Variants in ZNF215 observed in about 807,000 individuals in gnomAD.
ZNF215 encodes zinc finger protein 215.
A neutral mutation model predicts 27.2 loss-of-function variants in ZNF215; 24 were observed. The ratio of observed to expected loss-of-function variants is 0.88; its 90% CI spans 0.64 to 1.24. ZNF215 has a LOEUF of 1.24. Among genes scored for constraint, ZNF215 ranks in the 50% most tolerant of loss-of-function variants. ZNF215 has a pLI of 0.00. For missense variants in ZNF215, 675 were observed against 605.7 expected (o/e 1.11, Z -1.20); for synonymous variants, 210 against 204.0 (o/e 1.03, Z -0.25).
At chr11:6,951,991 A>T (rs2133272857) in intron 6 of ZNF215, among the ~76,000 whole-genome samples, 1 of 152,266 alleles carries the variant, frequency 6.6e-6, no homozygotes, top group South Asian at 2.1e-4. Context: ...TTCGTTATGC[A>T]CCCAGTAGTC....
chr11:6,988,133 T>A, downstream of ZNF215: 2 of 954,568 alleles, frequency 2.1e-6, no homozygotes, highest in Non-Finnish European at 2.5e-6. Context: ...CAGCAATTCA[T>A]AATCATAACC....
chr11:6,987,952 A>T (rs1443543120), downstream of ZNF215, among the ~76,000 whole-genome samples: 2 of 152,238 alleles, frequency 1.3e-5, no homozygotes, highest in African/African-American at 4.8e-5. Flanking sequence ...AAAAGTAATT[A>T]TAATCAGAGC....
Position 6,955,961 on chromosome 11 carries a change from A to G in ZNF215, c.984A>G (p.Arg328=). 1.9e-6 allele frequency: 3 copies of G among 1,613,192 alleles called. No individual in the cohort carries two copies. The highest frequency in any genetic ancestry group is 2.5e-6 in the Non-Finnish European group (3 of 1,179,780). The change falls in exon 7 of 7, where the codon AGA becomes AGG. Residue 328 remains arginine (R), a synonymous_variant. Coordinates refer to ENST00000278319, the MANE Select transcript of ZNF215 (RefSeq NM_013250.4). ...ICAIQVGIPS[R]KGSPKCDKFK... ...CTATACAAGTGGGAATTCCTTCAAG[A>G]AAGGGGTCTCCAAAATGTGATAAGT...
At chr11:6,955,545 A>G (rs1311486983) in intron 6 of ZNF215, 145 bp from the exon 7 acceptor site, 1 of 770,556 alleles carries the variant, frequency 1.3e-6, no homozygotes. Context: ...TATTTCTTTT[A>G]TAAGTATTTT....
At chr11:6,938,018 CTT>C (rs1849498674) in intron 3 of ZNF215, among the ~76,000 whole-genome samples, 1 of 151,894 alleles carries the variant, frequency 6.6e-6, no homozygotes, top group Non-Finnish European at 1.5e-5. Flanking sequence ...AAAATTAACA[CTT>C]TTGTGCATCA....
chr11:6,964,731 C>T (rs1850583654), intron 5 of ZNF215, among the ~76,000 whole-genome samples: 1 of 149,992 alleles, frequency 6.7e-6, no homozygotes, highest in African/African-American at 2.4e-5. Flanking sequence ...TGTTCCTTTG[C>T]AGTTCCATAT....
intron 6 of ZNF215, among the ~76,000 whole-genome samples, chr11:6,947,819 A>G (rs986082637): frequency 6.6e-6 from 1 of 152,352 alleles, no homozygotes; most frequent in Admixed American, 6.5e-5. Context: ...GCAGCATTCC[A>G]GGGCTCAAAT....
chr11:6,973,735 G>T (rs1351922466), intron 5 of ZNF215, among the ~76,000 whole-genome samples: 2 of 152,182 alleles, frequency 1.3e-5, no homozygotes, highest in Non-Finnish European at 2.9e-5. Flanking sequence ...CCCACTTGTT[G>T]ATGGGGTTGT....
intron 5 of ZNF215, among the ~76,000 whole-genome samples, chr11:6,972,620 G>A (rs1169678554): frequency 6.6e-6 from 1 of 152,034 alleles, no homozygotes; most frequent in African/African-American, 2.4e-5. Flanking sequence ...AAATTAGAGT[G>A]GAAGATCTTT....
chr11:6,928,763 C>T (rs753290898), intron 2 of ZNF215, among the ~76,000 whole-genome samples: 10 of 152,056 alleles, frequency 6.6e-5, no homozygotes, highest in Non-Finnish European at 1.3e-4. Context: ...TTCAAAGTAT[C>T]TGGGCCCATA....
downstream of ZNF215, among the ~76,000 whole-genome samples, chr11:6,986,425 C>T (rs1851054130): frequency 6.6e-6 from 1 of 152,188 alleles, no homozygotes; most frequent in South Asian, 2.1e-4. Context: ...CTACAAAAAT[C>T]CTAGATGAAA....
At chr11:6,993,482 T>C (rs138844402), downstream of ZNF215, among the ~76,000 whole-genome samples, 100 of 151,898 alleles carry the variant, frequency 6.6e-4, 3 homozygotes, top group East Asian at 0.018. Context: ...TTCCTTCTGC[T>C]TTTTTTCTAT....
chr11:6,993,176 G>A (rs1380918379), downstream of ZNF215, among the ~76,000 whole-genome samples: 1 of 152,098 alleles, frequency 6.6e-6, no homozygotes, highest in African/African-American at 2.4e-5. Flanking sequence ...TTAAAACAAA[G>A]AAGGCACATT....
chr11:6,968,480 C>G (rs1394618102), intron 5 of ZNF215, among the ~76,000 whole-genome samples: 6 of 148,776 alleles, frequency 4.0e-5, no homozygotes, highest in Middle Eastern at 3.5e-3. Flanking sequence ...CCTGATTGCT[C>G]TGAATTACAC....
At chr11:6,983,289 C>G (rs1850998477) in intron 5 of ZNF215, among the ~76,000 whole-genome samples, 2 of 151,946 alleles carry the variant, frequency 1.3e-5, no homozygotes, top group African/African-American at 2.4e-5. Flanking sequence ...CAAAAAGAGT[C>G]CAGGACCAGA....
At chr11:6,961,560 G>T (rs1850517898), downstream of ZNF215, among the ~76,000 whole-genome samples, 1 of 152,142 alleles carries the variant, frequency 6.6e-6, no homozygotes, top group Non-Finnish European at 1.5e-5. Context: ...ACCAGGATAT[G>T]CATTTAATTG....
downstream of ZNF215, among the ~76,000 whole-genome samples, chr11:6,962,482 C>G (rs1191115058): frequency 6.6e-6 from 1 of 152,066 alleles, no homozygotes; most frequent in Admixed American, 6.6e-5. Flanking sequence ...AACCCCAGCC[C>G]TTTTATATAT....
rs977435980 is a variant in ZNF215 at position 6,948,518 on chromosome 11, A to G, written c.712+4877A>G. 2.6e-5 allele frequency among the ~76,000 whole-genome samples: 4 copies of G among 152,170 alleles called. No homozygotes were observed. In the East Asian group the frequency reaches 5.8e-4, roughly 22 times the overall value. ...ATATTAGAAAAGCAAAGACTCAAAAATGAAGACACTGAAGTTTTTTCAATA... is the reference window on the plus strand; with the variant it reads ...ATATTAGAAAAGCAAAGACTCAAAAGTGAAGACACTGAAGTTTTTTCAATA... On this transcript the variant is annotated intron_variant, in intron 6 of 6. Coordinates refer to ENST00000278319, the MANE Select transcript of ZNF215 (RefSeq NM_013250.4).
chr11:6,943,815 A>G (rs1849720098), intron 6 of ZNF215, among the ~76,000 whole-genome samples, 174 bp downstream of exon 6: 2 of 152,332 alleles, frequency 1.3e-5, no homozygotes, highest in Admixed American at 6.5e-5. Flanking sequence ...CTTATGTGGT[A>G]AAACAGTCAC....
Sources: allele counts gnomAD v4.1 joint callset (sites outside exome capture counted in the v4.1 genomes callset), GRCh38; gene constraint gnomAD v4.1.1; transcripts MANE v1.5; gene names NCBI Gene and HGNC (gene_info 2026-07-23, HGNC 2026-07-21).